WNT6: variants seen among roughly 807,000 people sequenced by gnomAD.
WNT6 encodes protein Wnt-6.
A neutral mutation model predicts 33.1 loss-of-function variants in WNT6; 27 were observed. The observed-to-expected ratio is 0.82, with a 90% CI of 0.60 to 1.12. WNT6 has a LOEUF of 1.12. WNT6 is among the 50% of genes most tolerant of loss of function. The pLI is 0.00. For synonymous variants in WNT6, 249 were observed against 242.8 expected (o/e 1.03, Z -0.24); for missense variants, 494 against 535.3 (o/e 0.92, Z 0.76).
chr2:218,871,598 G>A lies in WNT6; in HGVS notation c.415G>A (p.Gly139Arg), dbSNP rs1244576079. 8.6e-6 allele frequency: 13 copies of A among 1,509,928 alleles called. No homozygotes were observed. The highest frequency in any genetic ancestry group is 2.7e-5 in the East Asian group (1 of 36,764). 93.5% of individuals were successfully genotyped at this position (1,509,928 alleles called of 1,614,324 possible). The part of the protein sequence containing the change: ...LLQCGCQAPR[G>R]RAPPRPSGLP... ...GCAGTGCGGCTGCCAGGCGCCCCGCGGGCGGGCCCCTCCCCGGCCCTCCGG... is the reference window on the plus strand; with the variant it reads ...GCAGTGCGGCTGCCAGGCGCCCCGCAGGCGGGCCCCTCCCCGGCCCTCCGG... The change falls in exon 3 of 4, where the codon GGG (glycine) becomes AGG (arginine). Residue 139 changes from glycine to arginine, a missense_variant. Coordinates refer to ENST00000233948, the MANE Select transcript of WNT6 (RefSeq NM_006522.4). The surrounding 1 kb of genome is among the most constrained non-coding windows in gnomAD (Gnocchi z 6.4).
chr2:218,870,436 T>G (rs920960270), intron 1 of WNT6, among the ~76,000 whole-genome samples: 2 of 152,290 alleles, frequency 1.3e-5, no homozygotes, highest in Non-Finnish European at 2.9e-5. Flanking sequence ...ACCTGGGCTA[T>G]GGAGAGGGTG....
intron 1 of WNT6, among the ~76,000 whole-genome samples, chr2:218,862,877 G>T (rs1268357970): frequency 6.7e-6 from 1 of 148,890 alleles, no homozygotes; most frequent in Non-Finnish European, 1.5e-5. Flanking sequence ...GCTAAATTTT[G>T]TATGTTTAGT....
chr2:218,872,744 C>G (rs1409612775), intron 3 of WNT6, among the ~76,000 whole-genome samples: 6 of 152,174 alleles, frequency 3.9e-5, no homozygotes, highest in Non-Finnish European at 7.4e-5. Context: ...GTTCCACTCT[C>G]AGTACTGCAT....
chr2:218,863,421 G>A (rs1039498306), intron 1 of WNT6, among the ~76,000 whole-genome samples: 44 of 152,198 alleles, frequency 2.9e-4, no homozygotes, highest in African/African-American at 9.7e-4. Context: ...TGAGTGACTC[G>A]ACTGTCTTGG....
chr2:218,863,340 G>A (rs1018784800), intron 1 of WNT6, among the ~76,000 whole-genome samples: 1 of 152,176 alleles, frequency 6.6e-6, no homozygotes, highest in Non-Finnish European at 1.5e-5. Flanking sequence ...AGCAGCTGCA[G>A]CAGCCTCCTG....
At chr2:218,865,562 C>T (rs1575223555) in intron 1 of WNT6, among the ~76,000 whole-genome samples, 1 of 152,192 alleles carries the variant, frequency 6.6e-6, no homozygotes, top group Admixed American at 6.5e-5. Context: ...AGATGACTTG[C>T]CCCTGGCCAC....
intron 1 of WNT6, 91 bp from the exon 2 acceptor site, chr2:218,870,936 C>G: frequency 7.9e-7 from 1 of 1,271,014 alleles, no homozygotes; most frequent in Non-Finnish European, 1.1e-6. Context: ...TCACAGCTCC[C>G]GCTGCGGGCT....
intron 1 of WNT6, among the ~76,000 whole-genome samples, chr2:218,868,130 C>T (rs1944367799): frequency 6.6e-6 from 1 of 152,100 alleles, no homozygotes; most frequent in African/African-American, 2.4e-5. Context: ...CCCTGACCAG[C>T]TTGTAAACAA....
intron 1 of WNT6, among the ~76,000 whole-genome samples, chr2:218,860,789 G>T (rs973428231): frequency 3.9e-5 from 6 of 151,962 alleles, no homozygotes; most frequent in African/African-American, 1.5e-4. Flanking sequence ...AAGGGAGAGG[G>T]GCCTGGCCAG....
intron 1 of WNT6, among the ~76,000 whole-genome samples, chr2:218,869,578 T>C (rs1304285698): frequency 6.6e-6 from 1 of 152,192 alleles, no homozygotes; most frequent in African/African-American, 2.4e-5. Context: ...CACCCTGTCC[T>C]CTGCTGAAGA....
At position 218,871,452 on chromosome 2, in the gene WNT6, GC is replaced by G. The variant is rs756844795; in HGVS notation, c.302-30del. On this transcript the variant is annotated intron_variant, in intron 2 of 3. Transcript: ENST00000233948. The surrounding 1 kb of genome is among the most constrained non-coding windows in gnomAD (Gnocchi z 6.4). Reference sequence around the variant, plus strand: ...TCCCAGGCCCCAGCTGACCGCCCCAGCCCGCGCTGATTGCACCTGTCTGCAT... The same window carrying G: ...TCCCAGGCCCCAGCTGACCGCCCCAGCCGCGCTGATTGCACCTGTCTGCAT... 8.2e-6 allele frequency: 13 copies of G among 1,591,470 alleles called. No individual in the cohort carries two copies. The East Asian group carries it at 2.9e-4, about 36-fold the overall frequency.
chr2:218,871,708 C>T lies in WNT6; in HGVS notation c.525C>T (p.Asp175=). Residue 175 remains aspartate (D), a synonymous_variant, in exon 3 of 4, where the codon GAC becomes GAT. Transcript: ENST00000233948. This position sits in a 1 kb window ranked among gnomAD's most constrained non-coding sequence, Gnocchi z 6.4. ...AAWEWGGCGD[D]VDFGDEKSRL... ...GGGAGTGGGGAGGCTGCGGCGACGA[C>T]GTGGACTTCGGGGACGAGAAGTCGA... 1.3e-6 allele frequency: 2 copies of T among 1,587,518 alleles called. No individual in the cohort carries two copies. The highest frequency in any genetic ancestry group is 2.2e-5 in the South Asian group (2 of 89,454).
In WNT6 at chr2:218,871,917, T is replaced by G. The variant is rs1944406100; in HGVS notation, c.636+98T>G. On this transcript the variant is annotated intron_variant, in intron 3 of 3. Coordinates refer to ENST00000233948, the MANE Select transcript of WNT6 (RefSeq NM_006522.4). This position sits in a 1 kb window ranked among gnomAD's most constrained non-coding sequence, Gnocchi z 6.4. ...GTTGGCAGGAGTGAGGGTGTGTAGG[T>G]GGAGGGGGGCGTTAATGTGTGGGGG... 7.3e-6 allele frequency: 4 copies of G among 548,440 alleles called. No individual in the cohort carries two copies. Among genetic ancestry groups the G allele is most frequent in the South Asian group, 3.5e-5 (1 of 28,574 alleles). 34.0% of individuals were successfully genotyped at this position (548,440 alleles called of 1,614,324 possible). A position where few individuals can be genotyped will look rare whatever the true frequency, so the allele number is the denominator to read the frequency against.
Position 218,873,322 on chromosome 2 carries a change from C to A in WNT6, c.637-62C>A. On this transcript the variant is annotated intron_variant, in intron 3 of 3. Transcript: ENST00000233948. This position sits in a 1 kb window ranked among gnomAD's most constrained non-coding sequence, Gnocchi z 6.1. ...TTCCCAATCTTATTTTCTGTCCATC[C>A]GCTGGGCCCTTCCCTGCACCCCCTA... The A allele has an allele frequency of 6.9e-7, 1 of 1,447,186 alleles. No individual in the cohort carries two copies. Among genetic ancestry groups the A allele is most frequent in the Non-Finnish European group, 9.2e-7 (1 of 1,081,824 alleles). 89.6% of individuals were successfully genotyped at this position (1,447,186 alleles called of 1,614,324 possible). A position where few individuals can be genotyped will look rare whatever the true frequency, so the allele number is the denominator to read the frequency against.
intron 1 of WNT6, among the ~76,000 whole-genome samples, chr2:218,863,581 G>A (rs185059145): frequency 6.6e-6 from 1 of 152,296 alleles, no homozygotes; most frequent in Admixed American, 6.5e-5. Flanking sequence ...AGGCACAGAG[G>A]CTCACTCCTG....
Position 218,871,598 on chromosome 2 carries a change from G to T in WNT6, c.415G>T (p.Gly139Trp), listed in dbSNP as rs1244576079. 1 of 1,509,926 alleles carries T rather than the reference G, an allele frequency of 6.6e-7. No individual in the cohort carries two copies. Among genetic ancestry groups the T allele is most frequent in the Admixed American group, 2.2e-5 (1 of 45,568 alleles). The allele number at this position is 1,509,926 out of a possible 1,614,324, so 93.5% of individuals were successfully genotyped here. ...LLQCGCQAPR[G>W]RAPPRPSGLP... ...GCAGTGCGGCTGCCAGGCGCCCCGC[G>T]GGCGGGCCCCTCCCCGGCCCTCCGG... The change falls in exon 3 of 4, where the codon GGG (glycine) becomes TGG (tryptophan). Residue 139 changes from glycine (G) to tryptophan (W), a missense_variant. Transcript: ENST00000233948. The surrounding 1 kb of genome is among the most constrained non-coding windows in gnomAD (Gnocchi z 6.4).
chr2:218,862,850 GC>G (rs2106002009), intron 1 of WNT6, among the ~76,000 whole-genome samples: 1 of 150,702 alleles, frequency 6.6e-6, no homozygotes, highest in Non-Finnish European at 1.5e-5. Flanking sequence ...GATTAGAGTT[GC>G]CCACCACCAT....
chr2:218,861,562 C>G (rs1175621407), intron 1 of WNT6, among the ~76,000 whole-genome samples: 1 of 152,136 alleles, frequency 6.6e-6, no homozygotes, highest in African/African-American at 2.4e-5. Flanking sequence ...CTTCTCCTGG[C>G]CAGGGTCCCC....
chr2:218,872,795 G>A (rs1662615294), intron 3 of WNT6, among the ~76,000 whole-genome samples: 1 of 152,128 alleles, frequency 6.6e-6, no homozygotes, highest in Admixed American at 6.5e-5. Flanking sequence ...CCGTTCTAGC[G>A]TTCTCCAGGG....
Sources: allele counts gnomAD v4.1 joint callset (sites outside exome capture counted in the v4.1 genomes callset), GRCh38; gene constraint gnomAD v4.1.1; non-coding constraint Gnocchi (gnomAD v3.1); transcripts MANE v1.5; gene names NCBI Gene and HGNC (gene_info 2026-07-23, HGNC 2026-07-21).